The following JAM2 variants were observed in gnomAD, a reference collection of about 807,000 sequenced individuals.
JAM2 encodes the protein junctional adhesion molecule B.
A neutral mutation model predicts 42.0 loss-of-function variants in JAM2; 17 were observed. The ratio of observed to expected loss-of-function variants is 0.40; its 90% CI spans 0.28 to 0.61. The LOEUF is 0.61. Among genes scored for constraint, JAM2 ranks in the 20% least tolerant of loss-of-function variants. JAM2 has a pLI of 0.37. For synonymous variants in JAM2, 118 were observed against 128.6 expected (o/e 0.92, Z 0.56); for missense variants, 319 against 358.3 (o/e 0.89, Z 0.89).
chr21:25,653,596 G>C (rs970139698), intron 1 of JAM2, among the ~76,000 whole-genome samples: 1 of 152,172 alleles, frequency 6.6e-6, no homozygotes, highest in African/African-American at 2.4e-5. Context: ...CCAAGTGAAG[G>C]GGGAAGAGCT....
chr21:25,695,593 C>T (rs1170366961), intron 4 of JAM2, among the ~76,000 whole-genome samples: 3 of 146,674 alleles, frequency 2.0e-5, no homozygotes, highest in Admixed American at 6.7e-5. Flanking sequence ...GGGCGGCGGC[C>T]GGGCAGAGGC....
At chr21:25,696,672 G>A (rs1193244290) in intron 4 of JAM2, among the ~76,000 whole-genome samples, 1 of 152,096 alleles carries the variant, frequency 6.6e-6, no homozygotes, top group Non-Finnish European at 1.5e-5. Context: ...TCATCCACAG[G>A]CTACGAGGAA....
At chr21:25,699,878 T>C (rs1487624729) in intron 5 of JAM2, among the ~76,000 whole-genome samples, 2 of 151,884 alleles carry the variant, frequency 1.3e-5, no homozygotes, top group African/African-American at 4.9e-5. Context: ...AGTCTCAATT[T>C]ACAACATCAG....
At chr21:25,677,929 T>G (rs2033536641) in intron 1 of JAM2, among the ~76,000 whole-genome samples, 1 of 152,198 alleles carries the variant, frequency 6.6e-6, no homozygotes, top group Admixed American at 6.5e-5. Context: ...TTGGAATCAC[T>G]GGCAAAAATG....
At chr21:25,693,984 G>T in intron 4 of JAM2, 76 bp downstream of exon 4, 1 of 1,416,888 alleles carries the variant, frequency 7.1e-7, no homozygotes, top group Non-Finnish European at 9.7e-7. Context: ...AGCAAGCACT[G>T]GTCCATAAAC....
At chr21:25,651,227 T>C (rs2032773483) in intron 1 of JAM2, among the ~76,000 whole-genome samples, 1 of 152,174 alleles carries the variant, frequency 6.6e-6, no homozygotes, top group Non-Finnish European at 1.5e-5. Context: ...GACAGAGTAT[T>C]ATCACTGATA....
intron 1 of JAM2, 133 bp downstream of exon 1, chr21:25,640,021 GC>G: frequency 1.7e-6 from 1 of 576,464 alleles, no homozygotes; most frequent in Non-Finnish European, 2.9e-6. Context: ...CTGACCTTGC[GC>G]CCAGGCGAGC....
intron 1 of JAM2, among the ~76,000 whole-genome samples, chr21:25,646,666 A>C (rs1311585739): frequency 6.6e-6 from 1 of 151,898 alleles, no homozygotes; most frequent in African/African-American, 2.4e-5. Flanking sequence ...ACAAAACCCT[A>C]CTCTATGAAT....
intron 7 of JAM2, 110 bp from the exon 8 acceptor site, chr21:25,709,324 G>C (rs2034335811): frequency 1.6e-6 from 1 of 610,038 alleles, no homozygotes; most frequent in Admixed American, 2.8e-5. Flanking sequence ...ACGTCAGCAA[G>C]TGAAGATTAA....
intron 1 of JAM2, among the ~76,000 whole-genome samples, chr21:25,644,838 A>G (rs1014413884): frequency 6.7e-6 from 1 of 149,688 alleles, no homozygotes; most frequent in Non-Finnish European, 1.5e-5. Flanking sequence ...TATAACTCAT[A>G]GTGATATAAA....
intron 1 of JAM2, among the ~76,000 whole-genome samples, chr21:25,655,060 TGTTA>T (rs2032892131): frequency 6.6e-6 from 1 of 152,228 alleles, no homozygotes; most frequent in Non-Finnish European, 1.5e-5. Flanking sequence ...GAATTATTTT[TGTTA>T]GTTGTTCAAA....
At chr21:25,681,268 C>T (rs140779405) in intron 1 of JAM2, among the ~76,000 whole-genome samples, 1 of 152,264 alleles carries the variant, frequency 6.6e-6, no homozygotes, top group African/African-American at 2.4e-5. Flanking sequence ...TCTCACTCTG[C>T]TAATAAAGAC....
chr21:25,661,794 T>G (rs547966133), intron 1 of JAM2, among the ~76,000 whole-genome samples: 186 of 152,222 alleles, frequency 1.2e-3, no homozygotes, highest in African/African-American at 4.3e-3. Context: ...CTGCACTAAA[T>G]TCTTAGGTTT....
chr21:25,665,229 C>A (rs2123338714), intron 1 of JAM2, among the ~76,000 whole-genome samples: 1 of 152,310 alleles, frequency 6.6e-6, no homozygotes, highest in Non-Finnish European at 1.5e-5. Context: ...ACATGAACAT[C>A]TCCTTTGTCC....
chr21:25,708,842 C>T (rs891216232), intron 7 of JAM2, among the ~76,000 whole-genome samples: 5 of 151,886 alleles, frequency 3.3e-5, no homozygotes, highest in African/African-American at 9.7e-5. Context: ...ATTAGGAGTT[C>T]GTTACCTAAG....
intron 1 of JAM2, among the ~76,000 whole-genome samples, chr21:25,672,093 G>A (rs1388244342): frequency 6.6e-6 from 1 of 152,058 alleles, no homozygotes; most frequent in African/African-American, 2.4e-5. Context: ...CATTGTTTAA[G>A]CAGCTATTTT....
intron 5 of JAM2, among the ~76,000 whole-genome samples, chr21:25,701,231 T>G (rs2034157781): frequency 6.6e-6 from 1 of 152,196 alleles, no homozygotes; most frequent in Non-Finnish European, 1.5e-5. Context: ...GCATTCTGGC[T>G]TTGAGGAGAG....
Position 25,689,935 on chromosome 21 carries a change from G to A in JAM2, c.203G>A (p.Arg68Gln), listed in dbSNP as rs374969042. The change falls in exon 3 of 10, where the codon CGG becomes CAG. Residue 68 changes from arginine (R) to glutamine (Q), a missense_variant. By Grantham distance (43) the Arg-to-Gln change is conservative (BLOSUM62 1). Transcript: ENST00000480456. ...SSRLEWKKLG[R>Q]SVSFVYYQQT... ...AGATTAGAGTGGAAGAAACTGGGTC[G>A]GAGTGTCTCCTTTGTCTACTATCAA... 3.5e-5 allele frequency: 57 copies of A among 1,613,514 alleles called. No individual in the cohort carries two copies. Among genetic ancestry groups the A allele is most frequent in the East Asian group, 8.9e-5 (4 of 44,888 alleles).
intron 5 of JAM2, among the ~76,000 whole-genome samples, chr21:25,699,558 T>G (rs1310403192): frequency 6.6e-6 from 1 of 151,698 alleles, no homozygotes; most frequent in Non-Finnish European, 1.5e-5. Context: ...CCGTCTCTAC[T>G]AAAAATACAA....
Sources: allele counts gnomAD v4.1 joint callset (sites outside exome capture counted in the v4.1 genomes callset), GRCh38; gene constraint gnomAD v4.1.1; transcripts MANE v1.5; gene names NCBI Gene and HGNC (gene_info 2026-07-23, HGNC 2026-07-21).